The following SLC43A3 variants were observed in gnomAD, a reference collection of about 807,000 sequenced individuals.
The protein encoded by SLC43A3 is solute carrier family 43 member 3.
Under a neutral mutation model 53.3 loss-of-function variants are expected in SLC43A3, and 33 were observed. The ratio of observed to expected loss-of-function variants is 0.62; its 90% CI spans 0.47 to 0.83. The LOEUF (loss-of-function observed/expected upper bound fraction) is 0.83. Among genes scored for constraint, SLC43A3 ranks in the 40% least tolerant of loss-of-function variants. SLC43A3 has a pLI of 0.00. For missense variants in SLC43A3, 530 were observed against 610.0 expected (o/e 0.87, Z 1.38); for synonymous variants, 236 against 246.2 (o/e 0.96, Z 0.39).
At chr11:57,414,249 G>A (rs765329470) in intron 11 of SLC43A3, among the ~76,000 whole-genome samples, 4 of 152,164 alleles carry the variant, frequency 2.6e-5, no homozygotes, top group African/African-American at 7.2e-5. Context: ...GGTGCTTCAC[G>A]CCTGTTATCC....
intron 8 of SLC43A3, 112 bp from the exon 9 acceptor site, chr11:57,416,782 C>G (rs1942744999): frequency 1.2e-6 from 1 of 801,056 alleles, no homozygotes; most frequent in Non-Finnish European, 2.1e-6. Flanking sequence ...TTTGGAATCA[C>G]CTTTTAGCCA....
At chr11:57,413,059 G>A (rs1297974681) in intron 11 of SLC43A3, among the ~76,000 whole-genome samples, 2 of 144,396 alleles carry the variant, frequency 1.4e-5, no homozygotes, top group African/African-American at 2.6e-5. Flanking sequence ...AGTTATTCAC[G>A]GCAAAAAAAA....
intron 5 of SLC43A3, among the ~76,000 whole-genome samples, chr11:57,422,765 C>G (rs958810554): frequency 6.6e-6 from 1 of 152,140 alleles, no homozygotes; most frequent in Non-Finnish European, 1.5e-5. Flanking sequence ...GCCACCACCT[C>G]CACATTCAGT....
chr11:57,419,992 TG>T (rs536930817), intron 7 of SLC43A3, among the ~76,000 whole-genome samples: 2 of 152,134 alleles, frequency 1.3e-5, no homozygotes, highest in Admixed American at 6.5e-5. Context: ...CATGTCTGGG[TG>T]GTGACTGCCA....
Position 57,409,965 on chromosome 11 carries a change from T to C in SLC43A3, c.1217A>G (p.Tyr406Cys). ...ILQVISRSFLYGSNAAFLTLA... is the reference protein window; with the variant it reads ...ILQVISRSFLCGSNAAFLTLA... Reference sequence around the variant, plus strand: ...GGTGAGGAAGGCCGCGTTGCTCCCATAGAGGAAGGAGCGGCTGATCACTTG... The same window carrying C: ...GGTGAGGAAGGCCGCGTTGCTCCCACAGAGGAAGGAGCGGCTGATCACTTG... The change falls in exon 12 of 14, where the codon TAT becomes TGT. Residue 406 changes from tyrosine (Y) to cysteine (C), a missense_variant. Coordinates refer to ENST00000395124, the MANE Select transcript of SLC43A3 (RefSeq NM_199329.3). The C allele has an allele frequency of 6.2e-7, 1 of 1,612,838 alleles. No individual in the cohort carries two copies. The highest frequency in any genetic ancestry group is 1.7e-4 in the Middle Eastern group (1 of 6,020).
intron 11 of SLC43A3, among the ~76,000 whole-genome samples, chr11:57,412,627 A>G (rs1942526009): frequency 6.6e-6 from 1 of 152,176 alleles, no homozygotes. Context: ...AGCCTGGCCA[A>G]CATGGTGAAA....
intron 9 of SLC43A3, chr11:57,415,429 A>T: frequency 7.5e-7 from 1 of 1,336,520 alleles, no homozygotes; most frequent in Non-Finnish European, 9.8e-7. Context: ...AAGGAACGAC[A>T]AGGAGAGGAG....
At chr11:57,423,772 C>T in intron 5 of SLC43A3, 1 of 541,470 alleles carries the variant, frequency 1.8e-6, no homozygotes, top group South Asian at 2.5e-5. Context: ...GAAGTAATCC[C>T]TCTCCATCAT....
intron 8 of SLC43A3, among the ~76,000 whole-genome samples, chr11:57,417,339 CAGAACCCTG>C (rs1942765174): frequency 6.6e-6 from 1 of 152,230 alleles, no homozygotes. Context: ...TGCACTCTTT[CAGAACCCTG>C]AAATCACGGT....
At chr11:57,412,225 T>C (rs1334362382) in intron 11 of SLC43A3, among the ~76,000 whole-genome samples, 3 of 152,152 alleles carry the variant, frequency 2.0e-5, no homozygotes, top group Non-Finnish European at 4.4e-5. Context: ...ATAATGTGAT[T>C]TCATCTAAAA....
rs1429144708 is a variant in SLC43A3, at chr11:57,407,850, G to A, written c.1418C>T (p.Pro473Leu). 6.2e-7 allele frequency: 1 copy of A among 1,613,692 alleles called. No homozygotes were observed. Among genetic ancestry groups the A allele is most frequent in the African/African-American group, 1.3e-5 (1 of 74,908 alleles). Residue 473 changes from proline (P) to leucine (L), a missense_variant, in exon 14 of 14, where the codon CCC (proline) becomes CTC (leucine). Around this residue, in one of 3 missense-constraint regions of SLC43A3, gnomAD observed 124 missense variants for 166.4 expected, o/e 0.75. Coordinates refer to ENST00000395124, the MANE Select transcript of SLC43A3 (RefSeq NM_199329.3). ...MLAILLTFFH[P>L]FLVYRECRTW... ...ACGGCATTCCCGATATACCAGAAAG[G>A]GGTGGAAGAATGTCAGAAGAATGGC...
rs12419609 is a variant in SLC43A3 at position 57,419,816 on chromosome 11, A to G, written c.531+1156T>C. ...AACTCAATAATAAAAAAAAAAAAAA[A>G]AGAGAGAGGAAAGAAAGATGAGGCA... On this transcript the variant is annotated intron_variant, in intron 7 of 13. Coordinates refer to ENST00000395124, the MANE Select transcript of SLC43A3 (RefSeq NM_199329.3). 4.6e-3 allele frequency among the ~76,000 whole-genome samples: 685 copies of G among 147,614 alleles called. 6 individuals are homozygous for G. Among genetic ancestry groups the G allele is most frequent in the Admixed American group, 6.0e-3 (90 of 14,892 alleles).
In SLC43A3 at chr11:57,410,624, A is replaced by G. The variant is rs563242756; in HGVS notation, c.1061-503T>C. 5.4e-4 allele frequency among the ~76,000 whole-genome samples: 81 copies of G among 150,956 alleles called. 1 individual carries two copies. Among genetic ancestry groups the G allele is most frequent in the Admixed American group, 4.0e-3 (61 of 15,156 alleles). ...CTGCTACAGAGCACCCTCAGGATAGAGTTACATCAAAAAAAAAAAAAACTC... is the reference window on the plus strand; with the variant it reads ...CTGCTACAGAGCACCCTCAGGATAGGGTTACATCAAAAAAAAAAAAAACTC... On this transcript the variant is annotated intron_variant, in intron 11 of 13. Transcript: ENST00000395124.
rs543210047 is a variant in SLC43A3, at chr11:57,425,294, G to A, written c.314+247C>T. Among the ~76,000 whole-genome samples the A allele has an allele frequency of 2.0e-5, 3 of 152,358 alleles. No homozygotes were observed. The East Asian group carries it at 5.8e-4, about 29-fold the overall frequency. Reference sequence around the variant, plus strand: ...CTCCGGCTCAATTCAGCACGTGATAGGGAAGCCACATTTATGCAGAGCAGG... The same window carrying A: ...CTCCGGCTCAATTCAGCACGTGATAAGGAAGCCACATTTATGCAGAGCAGG... On this transcript the variant is annotated intron_variant, in intron 4 of 13. Transcript: ENST00000395124.
Position 57,411,471 on chromosome 11 carries a change from CAAAAAAAAAAAAAAAAAAAAA to C in SLC43A3, c.1061-1371_1061-1351del, listed in dbSNP as rs56994898. Among the ~76,000 whole-genome samples, 34 of 78,884 alleles carry C rather than the reference CAAAAAAAAAAAAAAAAAAAAA, an allele frequency of 4.3e-4. 1 individual carries two copies. The highest frequency in any genetic ancestry group is 3.8e-3 in the Admixed American group (24 of 6,380). The allele number at this position is 78,884 out of a possible 152,430, so 51.8% of individuals were successfully genotyped here. A position where few individuals can be genotyped will look rare whatever the true frequency, so the allele number is the denominator to read the frequency against. On this transcript the variant is annotated intron_variant, in intron 11 of 13. Transcript: ENST00000395124. ...CTGGGCAACAAAGACCCTTCCTCTA[CAAAAAAAAAAAAAAAAAAAAA>C]AAAAAAAAAAAAATTATTTTAAATT...
intron 11 of SLC43A3, 150 bp from the exon 12 acceptor site, chr11:57,410,271 A>G: frequency 1.6e-6 from 1 of 608,914 alleles, no homozygotes; most frequent in Non-Finnish European, 2.8e-6. Flanking sequence ...TCCTTTCCCC[A>G]CATGCCCCAC....
At chr11:57,423,311 T>C (rs945737134) in intron 5 of SLC43A3, among the ~76,000 whole-genome samples, 4 of 152,238 alleles carry the variant, frequency 2.6e-5, no homozygotes, top group African/African-American at 9.6e-5. Context: ...TTTACCCTGC[T>C]AAGTAAGGAT....
In SLC43A3 at chr11:57,415,430, A is replaced by AGGAGAGGAGAAAGTCAGAAG. The variant is rs1187073594; in HGVS notation, c.770-344_770-325dup. On this transcript the variant is annotated intron_variant, in intron 9 of 13. Coordinates refer to ENST00000395124, the MANE Select transcript of SLC43A3 (RefSeq NM_199329.3). ...AGCGAGAAAGGTGAAAGGAACGACAAGGAGAGGAGAAAGTCAGAAGGGAGA... is the reference window on the plus strand; with the variant it reads ...AGCGAGAAAGGTGAAAGGAACGACAAGGAGAGGAGAAAGTCAGAAGGGAGAGGAGAAAGTCAGAAGGGAGA... The AGGAGAGGAGAAAGTCAGAAG allele has an allele frequency of 6.5e-5, 87 of 1,334,764 alleles. No individual in the cohort carries two copies. The African/African-American group carries it at 1.3e-3, about 19-fold the overall frequency. The allele number at this position is 1,334,764 out of a possible 1,614,324, so 82.7% of individuals were successfully genotyped here. A position where few individuals can be genotyped will look rare whatever the true frequency, so the allele number is the denominator to read the frequency against.
chr11:57,414,821 T>G, intron 10 of SLC43A3, 90 bp from the exon 11 acceptor site: 1 of 1,523,566 alleles, frequency 6.6e-7, no homozygotes, highest in Non-Finnish European at 9.1e-7. Flanking sequence ...TGTCTGCATG[T>G]CCCTCCTCCC....
Sources: gnomAD v4.1 joint callset for allele counts (sites outside exome capture counted in the v4.1 genomes callset) on GRCh38, gnomAD v4.1.1 for gene constraint, gnomAD v4.1.1 regional missense constraint, MANE v1.5 for transcripts, NCBI Gene and HGNC (gene_info 2026-07-23, HGNC 2026-07-21) for gene names.